Variants in PTGFRN observed in about 807,000 individuals in gnomAD.
The protein encoded by PTGFRN is prostaglandin F2 receptor inhibitor.
PTGFRN carries 35 observed loss-of-function variants against 83.2 expected under a neutral mutation model. The observed-to-expected ratio is 0.42, with a 90% CI of 0.32 to 0.56. The LOEUF is 0.56. Among genes scored for constraint, PTGFRN ranks in the 20% least tolerant of loss-of-function variants. The pLI is 0.11. For missense variants in PTGFRN, 1,051 were observed against 1,179.5 expected (o/e 0.89, Z 1.60); for synonymous variants, 519 against 498.6 (o/e 1.04, Z -0.55).
chr1:116,960,073 A>G (rs1650604591), intron 4 of PTGFRN, among the ~76,000 whole-genome samples: 1 of 152,214 alleles, frequency 6.6e-6, no homozygotes, highest in Non-Finnish European at 1.5e-5. Context: ...AAGGCAGTGT[A>G]TTTGGAGCTT....
chr1:116,981,372 T>G (rs1349151213), intron 7 of PTGFRN, among the ~76,000 whole-genome samples: 1 of 152,198 alleles, frequency 6.6e-6, no homozygotes, highest in East Asian at 1.9e-4. Flanking sequence ...AGAAATCTGC[T>G]GCTTGAAAAG....
chr1:116,962,471 A>T (rs913989163), intron 5 of PTGFRN: 2 of 152,322 alleles, frequency 1.3e-5, no homozygotes, highest in African/African-American at 4.8e-5. Context: ...ATTCTATTTT[A>T]GTTGGTCTGA....
chr1:116,985,826 A>T (rs1327779113), intron 8 of PTGFRN, among the ~76,000 whole-genome samples: 2 of 152,162 alleles, frequency 1.3e-5, no homozygotes, highest in Non-Finnish European at 2.9e-5. Flanking sequence ...ACCAGGGTCA[A>T]CCTAACTAGA....
intron 7 of PTGFRN, among the ~76,000 whole-genome samples, chr1:116,976,478 G>A (rs1227310043): frequency 6.6e-6 from 1 of 152,184 alleles, no homozygotes; most frequent in East Asian, 1.9e-4. Flanking sequence ...AGAGAGAAAG[G>A]TTGGGTTACC....
rs1651518761 is a variant in PTGFRN at position 116,987,084 on chromosome 1, G to C, written c.*117G>C. On this transcript the variant is annotated 3_prime_UTR_variant, in exon 9 of 9. Transcript: ENST00000393203. ...TAAAAACCAGTCCTCTCTAATCTCA[G>C]GTGGGACTTGGCGCTCTCTCTTTTC... is the stretch of plus-strand genomic sequence containing the variant. 7 of 1,222,992 alleles carry C rather than the reference G, an allele frequency of 5.7e-6. No homozygotes were observed. Among genetic ancestry groups the C allele is most frequent in the Non-Finnish European group, 8.0e-6 (7 of 874,850 alleles). 75.8% of individuals were successfully genotyped at this position (1,222,992 alleles called of 1,614,324 possible).
intron 3 of PTGFRN, among the ~76,000 whole-genome samples, chr1:116,945,989 AC>A (rs1271579576): frequency 3.3e-5 from 5 of 151,906 alleles, no homozygotes; most frequent in Non-Finnish European, 5.9e-5. Flanking sequence ...GTGTAAAGAG[AC>A]CAAGGAAGGG....
rs1649221999 is a variant in PTGFRN at position 116,910,149 on chromosome 1, A to AGGG, written c.-53_-52insGGG. The AGGG allele has an allele frequency of 6.6e-7, 1 of 1,504,360 alleles. No individual in the cohort carries two copies. The highest frequency in any genetic ancestry group is 8.9e-7 in the Non-Finnish European group (1 of 1,127,224). 93.2% of individuals were successfully genotyped at this position (1,504,360 alleles called of 1,614,324 possible). ...CAGCCGGAGCTGGAAGAGGAGGAGG[A>AGGG]GGAGAGGCGGCGGGGAAGGAGGAGG... is the stretch of plus-strand genomic sequence containing the variant. On this transcript the variant is annotated 5_prime_UTR_variant, in exon 1 of 9. Coordinates refer to ENST00000393203, the MANE Select transcript of PTGFRN (RefSeq NM_020440.4).
chr1:116,963,365 A>G (rs974885126), intron 5 of PTGFRN, among the ~76,000 whole-genome samples: 5 of 152,208 alleles, frequency 3.3e-5, no homozygotes, highest in African/African-American at 9.7e-5. Context: ...CTAAAAGTAG[A>G]AATAATCAGG....
intron 1 of PTGFRN, among the ~76,000 whole-genome samples, chr1:116,935,392 A>G (rs779896411): frequency 6.6e-6 from 1 of 151,800 alleles, no homozygotes; most frequent in Non-Finnish European, 1.5e-5. Flanking sequence ...TCTTTCTGTG[A>G]TCTTGGACCC....
At chr1:116,942,373 G>C (rs1181912947) in intron 2 of PTGFRN, among the ~76,000 whole-genome samples, 1 of 152,186 alleles carries the variant, frequency 6.6e-6, no homozygotes, top group Non-Finnish European at 1.5e-5. Context: ...CGGTGGTGGA[G>C]AGCTGGCTCT....
Position 116,941,926 on chromosome 1 carries a change from G to A in PTGFRN, c.261G>A (p.Leu87=), listed in dbSNP as rs781086898. 1.2e-6 allele frequency: 2 copies of A among 1,614,208 alleles called. No individual in the cohort carries two copies. Among genetic ancestry groups the A allele is most frequent in the East Asian group, 2.2e-5 (1 of 44,878 alleles). The change falls in exon 2 of 9, where the codon CTG becomes CTA. Residue 87 remains leucine, a synonymous_variant. Coordinates refer to ENST00000393203, the MANE Select transcript of PTGFRN (RefSeq NM_020440.4). The surrounding 1 kb of genome is among the most constrained non-coding windows in gnomAD (Gnocchi z 5.0). ...CAGCCCAGCTGTACCAGGAGCGGCTGCAGAGGGGCGAGATCCTGTTAAGGC... is the reference window on the plus strand; with the variant it reads ...CAGCCCAGCTGTACCAGGAGCGGCTACAGAGGGGCGAGATCCTGTTAAGGC... ...GFPAQLYQER[L]QRGEILLRRT... is the part of the protein sequence containing the mutation.
In PTGFRN at chr1:116,949,490, G is replaced by T; in HGVS notation, c.1131G>T (p.Leu377=). 1 of 1,614,248 alleles carries T rather than the reference G, an allele frequency of 6.2e-7. No homozygotes were observed. Among genetic ancestry groups the T allele is most frequent in the Non-Finnish European group, 8.5e-7 (1 of 1,180,052 alleles). ...NSGYYYCHVS[L]WAPGHNRSWH... is the part of the protein sequence containing the mutation. Reference sequence around the variant, plus strand: ...GCTACTATTACTGCCACGTGTCCCTGTGGGCACCCGGACACAACAGGAGCT... The same window carrying T: ...GCTACTATTACTGCCACGTGTCCCTTTGGGCACCCGGACACAACAGGAGCT... Residue 377 remains leucine (L), a synonymous_variant, in exon 4 of 9, where the codon CTG becomes CTT. Coordinates refer to ENST00000393203, the MANE Select transcript of PTGFRN (RefSeq NM_020440.4).
chr1:116,970,295 C>A (rs974344093), intron 6 of PTGFRN, among the ~76,000 whole-genome samples: 5 of 152,000 alleles, frequency 3.3e-5, no homozygotes, highest in African/African-American at 1.2e-4. Context: ...TGTTTCCTTC[C>A]ATTCTTAGTT....
intron 1 of PTGFRN, among the ~76,000 whole-genome samples, chr1:116,939,949 A>T (rs1650019300): frequency 1.3e-5 from 2 of 152,252 alleles, no homozygotes; most frequent in South Asian, 4.1e-4. Flanking sequence ...TCCAGTTCCC[A>T]ACAAGTTCCT....
chr1:116,957,535 T>C (rs1437549346), intron 4 of PTGFRN, among the ~76,000 whole-genome samples: 2 of 152,186 alleles, frequency 1.3e-5, no homozygotes, highest in African/African-American at 4.8e-5. Context: ...GTGTACCACA[T>C]GGTGTTTTGA....
chr1:116,965,258 G>A (rs76092684), intron 5 of PTGFRN, among the ~76,000 whole-genome samples: 10,304 of 151,766 alleles, frequency 0.068, 420 homozygotes, highest in Non-Finnish European at 0.092. Context: ...CCTCCTTCAG[G>A]TCCTTTTTAT....
rs570811925 is a variant in PTGFRN at position 116,917,154 on chromosome 1, A to G, written c.49+6902A>G. On this transcript the variant is annotated intron_variant, in intron 1 of 8. Coordinates refer to ENST00000393203, the MANE Select transcript of PTGFRN (RefSeq NM_020440.4). Reference sequence around the variant, plus strand: ...GATATGGGCACTGTGAAGTCTGCCCAGTGAAGGAGGAAGGGAAATCACAGA... The same window carrying G: ...GATATGGGCACTGTGAAGTCTGCCCGGTGAAGGAGGAAGGGAAATCACAGA... 3.3e-5 allele frequency among the ~76,000 whole-genome samples: 5 copies of G among 152,300 alleles called. No homozygotes were observed. The East Asian group carries it at 9.7e-4, about 29-fold the overall frequency.
rs1247468880 is a variant in PTGFRN at position 116,923,268 on chromosome 1, C to T, written c.49+13016C>T. Among the ~76,000 whole-genome samples, 5 of 152,110 alleles carry T rather than the reference C, an allele frequency of 3.3e-5. No individual in the cohort carries two copies. The highest frequency in any genetic ancestry group is 4.8e-5 in the African/African-American group (2 of 41,424). On this transcript the variant is annotated intron_variant, in intron 1 of 8. Coordinates refer to ENST00000393203, the MANE Select transcript of PTGFRN (RefSeq NM_020440.4). The surrounding 1 kb of genome is among the most constrained non-coding windows in gnomAD (Gnocchi z 4.0). The stretch of plus-strand genomic sequence containing the variant: ...TATTATATATATTTAAAATTGTGGA[C>T]GTTAAGTTATAACAGGGGCAGAAGA...
At chr1:116,983,874 T>TGGTA (rs930709530) in intron 7 of PTGFRN, among the ~76,000 whole-genome samples, 1 of 152,238 alleles carries the variant, frequency 6.6e-6, no homozygotes, top group African/African-American at 2.4e-5. Flanking sequence ...TGATAATGGT[T>TGGTA]GGTACCAGTC....
Sources: allele counts gnomAD v4.1 joint callset (sites outside exome capture counted in the v4.1 genomes callset), GRCh38; gene constraint gnomAD v4.1.1; non-coding constraint Gnocchi (gnomAD v3.1); transcripts MANE v1.5; gene names NCBI Gene and HGNC (gene_info 2026-07-23, HGNC 2026-07-21).